The following FBXL7 variants were observed in gnomAD, a reference collection of about 807,000 sequenced individuals.
The protein encoded by FBXL7 is F-box/LRR-repeat protein 7.
In FBXL7, 12 loss-of-function variants were observed where a neutral mutation model predicts 38.3. The observed-to-expected ratio is 0.31, with a 90% CI of 0.20 to 0.51. FBXL7 has a LOEUF of 0.51. Among genes scored for constraint, FBXL7 ranks in the 20% least tolerant of loss-of-function variants. The probability of loss-of-function intolerance (pLI) is 0.98; values close to 1 mark genes in which losing one functional copy is unlikely to be tolerated. For synonymous variants in FBXL7, 297 were observed against 300.9 expected (o/e 0.99, Z 0.13); for missense variants, 567 against 676.4 (o/e 0.84, Z 1.79).
At chr5:15,801,827 T>C (rs1164441312) in intron 2 of FBXL7, among the ~76,000 whole-genome samples, 3 of 146,564 alleles carry the variant, frequency 2.0e-5, no homozygotes, top group Non-Finnish European at 3.0e-5. Flanking sequence ...TTTCATTCCA[T>C]ATTTCGGGGG....
intron 2 of FBXL7, among the ~76,000 whole-genome samples, chr5:15,673,148 T>A (rs1436480558): frequency 2.0e-5 from 3 of 151,892 alleles, no homozygotes; most frequent in Non-Finnish European, 4.4e-5. Flanking sequence ...AAACCCCGTC[T>A]CCACTAAAAG....
intron 2 of FBXL7, among the ~76,000 whole-genome samples, chr5:15,641,502 A>ATTTTTT (rs201635639): frequency 7.0e-6 from 1 of 143,294 alleles, no homozygotes. Flanking sequence ...TATGACTGCC[A>ATTTTTT]TTTTTTTTTT....
chr5:15,654,355 T>C (rs1741806695), intron 2 of FBXL7, among the ~76,000 whole-genome samples: 1 of 151,966 alleles, frequency 6.6e-6, no homozygotes, highest in South Asian at 2.1e-4. Context: ...GCAAGGATGA[T>C]TTTAAAAGAA....
intron 2 of FBXL7, among the ~76,000 whole-genome samples, chr5:15,926,713 A>G (rs998562674): frequency 5.9e-5 from 9 of 152,088 alleles, no homozygotes; most frequent in African/African-American, 2.2e-4. Flanking sequence ...TCAAATGCAA[A>G]GGGGAGGTTG....
chr5:15,853,658 G>A (rs577049223), intron 2 of FBXL7, among the ~76,000 whole-genome samples: 2 of 152,288 alleles, frequency 1.3e-5, no homozygotes, highest in Non-Finnish European at 2.9e-5. Flanking sequence ...CAGGCAGGTG[G>A]ATGCATGCTC....
chr5:15,917,749 A>G (rs1741633453), intron 2 of FBXL7, among the ~76,000 whole-genome samples: 1 of 151,790 alleles, frequency 6.6e-6, no homozygotes, highest in Admixed American at 6.6e-5. Flanking sequence ...CTGCCTGCCA[A>G]AGACTTTAAA....
intron 3 of FBXL7, among the ~76,000 whole-genome samples, chr5:15,929,854 C>T (rs1242748379): frequency 1.3e-5 from 2 of 152,048 alleles, no homozygotes; most frequent in Non-Finnish European, 2.9e-5. Flanking sequence ...ACCAACAGCA[C>T]GACCAGCAAC....
intron 2 of FBXL7, among the ~76,000 whole-genome samples, chr5:15,672,888 A>G (rs551486027): frequency 1.3e-5 from 2 of 152,160 alleles, no homozygotes; most frequent in Admixed American, 6.5e-5. Flanking sequence ...ATGTCTGTCA[A>G]TTGTCCACCT....
chr5:15,581,806 G>C (rs1739150489), intron 1 of FBXL7, among the ~76,000 whole-genome samples: 1 of 152,040 alleles, frequency 6.6e-6, no homozygotes, highest in Admixed American at 6.6e-5. Context: ...TGTGTGGTGG[G>C]GAATATGGAT....
intron 2 of FBXL7, among the ~76,000 whole-genome samples, chr5:15,884,803 C>A (rs534425602): frequency 1.3e-5 from 2 of 152,168 alleles, no homozygotes; most frequent in South Asian, 4.2e-4. Flanking sequence ...TTAGAAAGGG[C>A]AAAGCGGTGG....
intron 1 of FBXL7, among the ~76,000 whole-genome samples, chr5:15,596,571 A>C (rs1437362826): frequency 6.6e-6 from 1 of 152,206 alleles, no homozygotes; most frequent in Non-Finnish European, 1.5e-5. Context: ...AAAATTTACA[A>C]AGTTGTGCAT....
At chr5:15,723,270 G>A (rs972768781) in intron 2 of FBXL7, among the ~76,000 whole-genome samples, 36 of 152,178 alleles carry the variant, frequency 2.4e-4, no homozygotes, top group Admixed American at 5.9e-4. Flanking sequence ...TGTCAGAGAC[G>A]TTAGTAATTA....
At chr5:15,652,317 A>G (rs1201213135) in intron 2 of FBXL7, among the ~76,000 whole-genome samples, 1 of 152,130 alleles carries the variant, frequency 6.6e-6, no homozygotes, top group Non-Finnish European at 1.5e-5. Context: ...CCCAGGCTGG[A>G]GTGCAGTGGC....
At chr5:15,788,910 G>A (rs1284464735) in intron 2 of FBXL7, among the ~76,000 whole-genome samples, 1 of 151,112 alleles carries the variant, frequency 6.6e-6, no homozygotes, top group Admixed American at 6.6e-5. Context: ...GAGTACAGTG[G>A]TGTGATCTCG....
intron 2 of FBXL7, among the ~76,000 whole-genome samples, chr5:15,794,657 T>C (rs1346931874): frequency 1.3e-5 from 2 of 152,184 alleles, no homozygotes; most frequent in Admixed American, 6.5e-5. Context: ...CTTTCTCTTA[T>C]CTTTGAGCGT....
intron 2 of FBXL7, among the ~76,000 whole-genome samples, chr5:15,798,930 A>G (rs916877025): frequency 1.3e-5 from 2 of 152,228 alleles, no homozygotes; most frequent in African/African-American, 4.8e-5. Flanking sequence ...CTAAAAATGC[A>G]GTGCAATGAT....
chr5:15,721,468 T>C (rs1744192561), intron 2 of FBXL7, among the ~76,000 whole-genome samples: 1 of 152,132 alleles, frequency 6.6e-6, no homozygotes, highest in Admixed American at 6.5e-5. Context: ...GTTTAGTCTT[T>C]GTGGGGCCTA....
intron 2 of FBXL7, among the ~76,000 whole-genome samples, chr5:15,774,049 C>T (rs1031280476): frequency 3.3e-5 from 5 of 152,028 alleles, no homozygotes; most frequent in Non-Finnish European, 7.4e-5. Context: ...AAAAACCCCA[C>T]AAGCCTCTTT....
At chr5:15,927,525 A>G (rs1741906160) in intron 2 of FBXL7, among the ~76,000 whole-genome samples, 1 of 152,152 alleles carries the variant, frequency 6.6e-6, no homozygotes, top group Non-Finnish European at 1.5e-5. Context: ...TAATATCAGC[A>G]TTTTGGTAGG....
Sources: allele counts gnomAD v4.1 joint callset (sites outside exome capture counted in the v4.1 genomes callset), GRCh38; gene constraint gnomAD v4.1.1; transcripts MANE v1.5; gene names NCBI Gene and HGNC (gene_info 2026-07-23, HGNC 2026-07-21).